CEP350: variants seen among roughly 807,000 people sequenced by gnomAD.
CEP350 encodes the protein centrosomal protein 350, also known as centrosome-associated protein 350.
In CEP350, 126 loss-of-function variants were observed where a neutral mutation model predicts 331.8. The ratio of observed to expected loss-of-function variants is 0.38; its 90% confidence interval spans 0.33 to 0.44. The LOEUF (loss-of-function observed/expected upper bound fraction) is 0.44, where lower values mean the gene tolerates loss of function less well. Ranked by LOEUF, CEP350 falls within the 20% of genes least tolerant of loss-of-function variation. CEP350 has a pLI of 1.00. For synonymous variants in CEP350, 1,200 were observed against 1,259.5 expected (o/e 0.95, Z 1.00); for missense variants, 3,406 against 3,634.6 (o/e 0.94, Z 1.62).
intron 36 of CEP350, among the ~76,000 whole-genome samples, chr1:180,098,199 A>G (rs1380532088): frequency 1.3e-5 from 2 of 151,950 alleles, no homozygotes; most frequent in Admixed American, 6.6e-5. Context: ...CGAACTCCCG[A>G]CCTCAGGTGA....
chr1:179,981,132 T>C (rs1652244801), intron 1 of CEP350, among the ~76,000 whole-genome samples: 1 of 152,132 alleles, frequency 6.6e-6, no homozygotes, highest in Admixed American at 6.5e-5. Flanking sequence ...ATATACCAAA[T>C]AATATCAAGT....
rs1337487501 is a variant in CEP350, at chr1:180,093,227, A to G, written c.7122A>G (p.Pro2374=). ...ATCTTTTTGCTCCTAAAGAGATACC[A>G]TACTCTGAAGATTTTGAAGTGTCTT... The part of the protein sequence containing the change: ...SEHLFAPKEI[P]YSEDFEVSSF... Residue 2374 remains proline, a synonymous_variant, in exon 34 of 38, where the codon CCA becomes CCG. Transcript: ENST00000367607. 1 of 1,602,040 alleles carries G rather than the reference A, an allele frequency of 6.2e-7. No homozygotes were observed. The highest frequency in any genetic ancestry group is 8.5e-7 in the Non-Finnish European group (1 of 1,173,400).
intron 31 of CEP350, chr1:180,087,261 A>G (rs1490752403): frequency 5.6e-6 from 1 of 178,616 alleles, no homozygotes; most frequent in Non-Finnish European, 1.2e-5. Flanking sequence ...TCTTTAGAGA[A>G]TACAAAGAAG....
At chr1:180,080,278 T>C (rs1238382225) in intron 29 of CEP350, among the ~76,000 whole-genome samples, 2 of 152,210 alleles carry the variant, frequency 1.3e-5, no homozygotes, top group East Asian at 3.8e-4. Context: ...TGCTCTTTTA[T>C]AATTTTTTTC....
In CEP350 at chr1:180,048,676, A is replaced by G. The variant is rs759984650; in HGVS notation, c.4763A>G (p.Asp1588Gly). The G allele has an allele frequency of 1.2e-6, 2 of 1,612,224 alleles. No homozygotes were observed. Among genetic ancestry groups the G allele is most frequent in the Admixed American group, 3.4e-5 (2 of 59,670 alleles). The change falls in exon 22 of 38, where the codon GAT (aspartate) becomes GGT (glycine). Residue 1588 changes from aspartate to glycine, a missense_variant. By Grantham distance (94) the Asp-to-Gly change is moderately conservative. This residue lies in a region of CEP350 where 1,857 missense variants were observed against 1,909.2 expected (regional missense o/e 0.97). Coordinates refer to ENST00000367607, the MANE Select transcript of CEP350 (RefSeq NM_014810.5). ...QTAADDSLRS[D>G]SVPSLPDEKD... ...GCTGCAGATGATTCTCTACGAAGTG[A>G]TAGTGTTCCATCTCTTCCTGATGAA...
chr1:180,094,683 G>A lies in CEP350; in HGVS notation c.8511+67G>A, dbSNP rs150475235. 1.5e-5 allele frequency: 22 copies of A among 1,491,064 alleles called. No homozygotes were observed. The African/African-American group carries it at 1.5e-4, about 10-fold the overall frequency. 92.4% of individuals were successfully genotyped at this position (1,491,064 alleles called of 1,614,324 possible). A position where few individuals can be genotyped will look rare whatever the true frequency, so the allele number is the denominator to read the frequency against. On this transcript the variant is annotated intron_variant, in intron 34 of 37. Transcript: ENST00000367607. ...CACTTTTAACAAGGCAACTTACCTT[G>A]CCTATATAGTACATTTTAATTCTGT...
intron 33 of CEP350, among the ~76,000 whole-genome samples, chr1:180,091,204 G>T (rs868784365): frequency 3.4e-4 from 51 of 149,616 alleles, no homozygotes; most frequent in Middle Eastern, 3.4e-3. Context: ...TTTAAGAGAC[G>T]GGGGGGTCTC....
At chr1:179,987,086 CAA>C (rs2148668801) in intron 2 of CEP350, among the ~76,000 whole-genome samples, 152 bp from the exon 3 acceptor site, 1 of 152,092 alleles carries the variant, frequency 6.6e-6, no homozygotes, top group South Asian at 2.1e-4. Flanking sequence ...CATTTTGACT[CAA>C]TATAATAAAG....
At chr1:179,986,129 T>C in intron 1 of CEP350, 40 bp from the exon 2 acceptor site, 4 of 1,439,642 alleles carry the variant, frequency 2.8e-6, no homozygotes, top group Non-Finnish European at 3.8e-6. Flanking sequence ...AAAAGTAATA[T>C]TATAAGATTG....
chr1:180,014,462 T>G lies in CEP350; in HGVS notation c.2009T>G (p.Leu670Trp). 1 of 1,609,598 alleles carries G rather than the reference T, an allele frequency of 6.2e-7. No individual in the cohort carries two copies. Among genetic ancestry groups the G allele is most frequent in the Non-Finnish European group, 8.5e-7 (1 of 1,178,368 alleles). The change falls in exon 10 of 38, where the codon TTG becomes TGG. Residue 670 changes from leucine (L) to tryptophan (W), a missense_variant. Around this residue, in one of 5 missense-constraint regions of CEP350, gnomAD observed 1,857 missense variants for 1,909.2 expected, o/e 0.97. Transcript: ENST00000367607. ...TYSKLLLEKT[L>W]LEEPSHQHVT... ...TCCAAATTGCTACTAGAAAAGACCT[T>G]GCTTGAAGAGCCATCTCATCAACAT...
chr1:179,996,531 A>G, intron 5 of CEP350, 22 bp from the exon 6 acceptor site: 1 of 1,494,858 alleles, frequency 6.7e-7, no homozygotes, highest in Non-Finnish European at 9.0e-7. Flanking sequence ...ATAGTCACAG[A>G]GCTTATTATT....
At chr1:180,026,349 T>G (rs1011979232) in intron 14 of CEP350, among the ~76,000 whole-genome samples, 1 of 152,212 alleles carries the variant, frequency 6.6e-6, no homozygotes, top group African/African-American at 2.4e-5. Context: ...CTCACTTTGT[T>G]GCCCAGGCTG....
intron 27 of CEP350, among the ~76,000 whole-genome samples, chr1:180,071,208 A>G (rs1558140095): frequency 1.3e-5 from 2 of 150,390 alleles, no homozygotes; most frequent in Non-Finnish European, 3.0e-5. Flanking sequence ...CTGTAATCCC[A>G]CTACTTTGGG....
intron 1 of CEP350, among the ~76,000 whole-genome samples, chr1:179,974,455 G>A (rs1558072099): frequency 6.6e-6 from 1 of 152,096 alleles, no homozygotes; most frequent in South Asian, 2.1e-4. Flanking sequence ...TGAAGGTTCT[G>A]TTGATCTCTA....
intron 25 of CEP350, among the ~76,000 whole-genome samples, chr1:180,061,449 C>T (rs1354203980): frequency 6.6e-6 from 1 of 152,172 alleles, no homozygotes; most frequent in African/African-American, 2.4e-5. Flanking sequence ...CTGCCTTGGC[C>T]TCCCAAAGTG....
chr1:180,093,728 A>G lies in CEP350; in HGVS notation c.7623A>G (p.Thr2541=), dbSNP rs774923837. The G allele has an allele frequency of 4.3e-6, 7 of 1,613,868 alleles. No homozygotes were observed. The highest frequency in any genetic ancestry group is 5.9e-6 in the Non-Finnish European group (7 of 1,179,864). ...LDKPEGNNNG[T]YDGIAYFECK... ...AACCTGAAGGAAATAACAATGGAAC[A>G]TATGATGGTATTGCATATTTTGAGT... Residue 2541 remains threonine (T), a synonymous_variant, in exon 34 of 38, where the codon ACA becomes ACG. Transcript: ENST00000367607.
intron 17 of CEP350, among the ~76,000 whole-genome samples, chr1:180,039,313 G>C (rs1656597338): frequency 2.7e-5 from 4 of 150,232 alleles, no homozygotes; most frequent in Admixed American, 2.0e-4. Context: ...AGGGAGGAGA[G>C]GGATAGGAGG....
chr1:180,036,719 T>C (rs1656379836), intron 16 of CEP350, among the ~76,000 whole-genome samples: 1 of 152,180 alleles, frequency 6.6e-6, no homozygotes, highest in Admixed American at 6.5e-5. Context: ...AACCAAAAAA[T>C]TTGTGTGACT....
At position 180,082,130 on chromosome 1, in the gene CEP350, A is replaced by T. The variant is rs143317765; in HGVS notation, c.6124+1469A>T. On this transcript the variant is annotated intron_variant, in intron 30 of 37. Coordinates refer to ENST00000367607, the MANE Select transcript of CEP350 (RefSeq NM_014810.5). ...TATCTTTTTCATTTGTTAGCAATGGAATAATGTTTCAACCATCCTTGCATG... is the reference window on the plus strand; with the variant it reads ...TATCTTTTTCATTTGTTAGCAATGGTATAATGTTTCAACCATCCTTGCATG... Among the ~76,000 whole-genome samples the T allele has an allele frequency of 1.6e-3, 251 of 152,350 alleles. 2 individuals are homozygous for T. The highest frequency in any genetic ancestry group is 5.8e-3 in the African/African-American group (240 of 41,586).
Sources: gnomAD v4.1 joint callset for allele counts (sites outside exome capture counted in the v4.1 genomes callset) on GRCh38, gnomAD v4.1.1 for gene constraint, gnomAD v4.1.1 regional missense constraint, MANE v1.5 for transcripts, NCBI Gene and HGNC (gene_info 2026-07-23, HGNC 2026-07-21) for gene names.